The following ERC2 variants were observed in gnomAD, a reference collection of about 807,000 sequenced individuals.
ERC2 encodes the protein ERC protein 2.
ERC2 carries 42 observed loss-of-function variants against 114.8 expected under a neutral mutation model. The ratio of observed to expected loss-of-function variants is 0.37; its 90% CI spans 0.29 to 0.47. The LOEUF (loss-of-function observed/expected upper bound fraction) is 0.47, where lower values mean the gene tolerates loss of function less well. Ranked by LOEUF, ERC2 falls within the 20% of genes least tolerant of loss-of-function variation. The probability of loss-of-function intolerance (pLI) is 0.99; values close to 1 mark genes in which losing one functional copy is unlikely to be tolerated. For missense variants in ERC2, 939 were observed against 1,150.7 expected (o/e 0.82, Z 2.66); for synonymous variants, 454 against 425.5 (o/e 1.07, Z -0.82).
intron 14 of ERC2, among the ~76,000 whole-genome samples, chr3:55,737,432 G>A (rs567095366): frequency 1.3e-5 from 2 of 152,296 alleles, no homozygotes; most frequent in South Asian, 2.1e-4. Flanking sequence ...TACAGAGGGC[G>A]AAGCTGAAGA....
chr3:55,842,562 A>AGTG (rs2061179582), intron 14 of ERC2, among the ~76,000 whole-genome samples: 1 of 152,134 alleles, frequency 6.6e-6, no homozygotes, highest in African/African-American at 2.4e-5. Context: ...TCCCTGTCTA[A>AGTG]CACATACTGA....
intron 11 of ERC2, among the ~76,000 whole-genome samples, chr3:55,986,814 GCAAA>G (rs1459064621): frequency 6.6e-6 from 1 of 151,272 alleles, no homozygotes; most frequent in Non-Finnish European, 1.5e-5. Flanking sequence ...ATAAAAACAA[GCAAA>G]CAAACAAAAA....
At chr3:56,299,119 G>GTTTTTTTT (rs1162614631) in intron 2 of ERC2, among the ~76,000 whole-genome samples, 5 of 108,134 alleles carry the variant, frequency 4.6e-5, no homozygotes, top group African/African-American at 2.0e-4. Context: ...TTTTTTTTTT[G>GTTTTTTTT]TTTTTTTTTT....
chr3:55,760,536 A>G (rs1324060645), intron 14 of ERC2, among the ~76,000 whole-genome samples: 1 of 152,238 alleles, frequency 6.6e-6, no homozygotes. Context: ...GAATTTTCAC[A>G]TATACATTGG....
At position 56,311,231 on chromosome 3, in the gene ERC2, TTCTC is replaced by T. The variant is rs370683995; in HGVS notation, c.658-14800_658-14797del. Reference sequence around the variant, plus strand: ...CAGTGTTCTTGGGATATCCATCATCTTCTCTCTCTCTCTCTCTCTCTCTCTATAT... The same window carrying T: ...CAGTGTTCTTGGGATATCCATCATCTTCTCTCTCTCTCTCTCTCTCTATAT... On this transcript the variant is annotated intron_variant, in intron 2 of 17. Coordinates refer to ENST00000288221, the MANE Select transcript of ERC2 (RefSeq NM_015576.3). Among the ~76,000 whole-genome samples, 226 of 96,198 alleles carry T rather than the reference TTCTC, an allele frequency of 2.3e-3. 5 individuals carry two copies. The highest frequency in any genetic ancestry group is 6.9e-3 in the African/African-American group (139 of 20,164). The allele number at this position is 96,198 out of a possible 152,430, so 63.1% of individuals were successfully genotyped here.
At chr3:55,995,611 T>G (rs1469578449) in intron 10 of ERC2, among the ~76,000 whole-genome samples, 1 of 152,158 alleles carries the variant, frequency 6.6e-6, no homozygotes, top group Non-Finnish European at 1.5e-5. Flanking sequence ...AAAGACTCAA[T>G]GAAAGAGAGT....
In ERC2 at chr3:56,323,399, T is replaced by C. The variant is rs542682179; in HGVS notation, c.658-26964A>G. Among the ~76,000 whole-genome samples the C allele has an allele frequency of 1.6e-4, 25 of 152,258 alleles. No individual in the cohort carries two copies. The South Asian group carries it at 3.3e-3, about 20-fold the overall frequency. On this transcript the variant is annotated intron_variant, in intron 2 of 17. Transcript: ENST00000288221. ...TACCGTCTTTGACAATGAGATATCA[T>C]GAGGGAAGAGGCCCAGACAAATGCC...
chr3:56,432,530 C>T (rs2061837839), intron 2 of ERC2, among the ~76,000 whole-genome samples: 1 of 152,140 alleles, frequency 6.6e-6, no homozygotes, highest in Non-Finnish European at 1.5e-5. Flanking sequence ...GTTCCAACTA[C>T]AAAATCACAT....
chr3:55,746,321 C>T (rs1235123350), intron 14 of ERC2, among the ~76,000 whole-genome samples: 1 of 151,948 alleles, frequency 6.6e-6, no homozygotes, highest in African/African-American at 2.4e-5. Context: ...GCATCCTCTG[C>T]CTCCCGGGTT....
intron 15 of ERC2, among the ~76,000 whole-genome samples, chr3:55,705,313 G>A (rs1054933662): frequency 1.2e-4 from 18 of 152,114 alleles, no homozygotes; most frequent in Non-Finnish European, 1.3e-4. Context: ...TGGGGAGATC[G>A]CACAGTAAAG....
intron 1 of ERC2, among the ~76,000 whole-genome samples, chr3:56,448,575 C>T (rs1161636944): frequency 6.6e-6 from 1 of 152,294 alleles, no homozygotes; most frequent in East Asian, 1.9e-4. Flanking sequence ...ATGAACTCTG[C>T]AGCATGCAAG....
At chr3:56,091,140 G>A (rs114080987) in intron 6 of ERC2, among the ~76,000 whole-genome samples, 1,551 of 152,126 alleles carry the variant, frequency 0.01, 22 homozygotes, top group African/African-American at 0.034. Context: ...AATGGAGGCC[G>A]GGGACAGGTG....
At chr3:56,325,290 A>T (rs1430717013) in intron 2 of ERC2, among the ~76,000 whole-genome samples, 1 of 151,978 alleles carries the variant, frequency 6.6e-6, no homozygotes, top group Non-Finnish European at 1.5e-5. Context: ...TAAAAATACA[A>T]AAAAATTTAG....
chr3:55,612,691 C>T (rs2058957669), intron 17 of ERC2: 1 of 151,840 alleles, frequency 6.6e-6, no homozygotes, highest in Non-Finnish European at 1.5e-5. Flanking sequence ...TTTTTTTTTA[C>T]CAGTTTTTCC....
chr3:56,015,540 C>G (rs2073247143), intron 8 of ERC2, among the ~76,000 whole-genome samples: 1 of 152,120 alleles, frequency 6.6e-6, no homozygotes, highest in Non-Finnish European at 1.5e-5. Context: ...ATAACATGAT[C>G]TCATTCCTTT....
In ERC2 at chr3:55,846,767, G is replaced by C. The variant is rs145371341; in HGVS notation, c.2564+41622C>G. 4.2e-3 allele frequency among the ~76,000 whole-genome samples: 631 copies of C among 151,244 alleles called. 1 individual carries two copies. Among genetic ancestry groups the C allele is most frequent in the Non-Finnish European group, 6.5e-3 (443 of 67,934 alleles). ...TACGTCTGCATTATGTGTTTTGTCA[G>C]GAGAAGGGATTTCAGAGAGATGTCA... On this transcript the variant is annotated intron_variant, in intron 14 of 17. Coordinates refer to ENST00000288221, the MANE Select transcript of ERC2 (RefSeq NM_015576.3).
intron 3 of ERC2, among the ~76,000 whole-genome samples, chr3:56,272,878 G>A (rs542171415): frequency 7.2e-5 from 11 of 152,326 alleles, no homozygotes; most frequent in East Asian, 1.9e-4. Context: ...CCAATGCTAC[G>A]TTATGGGAAC....
chr3:55,996,474 G>A (rs1029293328), intron 10 of ERC2, among the ~76,000 whole-genome samples: 2 of 152,082 alleles, frequency 1.3e-5, no homozygotes, highest in Non-Finnish European at 2.9e-5. Context: ...CCAGGTATCC[G>A]ATTCTGCTCA....
rs1429349004 is a variant in ERC2, at chr3:56,274,484, G to A, written c.1074+21535C>T. ...CCATAAACATGGGTTCAAATCCAGG[G>A]AAACCTGTATTTTCAATCTGCATTT... On this transcript the variant is annotated intron_variant, in intron 3 of 17. Transcript: ENST00000288221. Among the ~76,000 whole-genome samples, 7 of 148,394 alleles carry A rather than the reference G, an allele frequency of 4.7e-5. No homozygotes were observed. The Admixed American group carries it at 4.8e-4, about 10-fold the overall frequency.
Sources: allele counts gnomAD v4.1 joint callset (sites outside exome capture counted in the v4.1 genomes callset), GRCh38; gene constraint gnomAD v4.1.1; transcripts MANE v1.5; gene names NCBI Gene and HGNC (gene_info 2026-07-23, HGNC 2026-07-21).